Variants in HEATR5B observed in about 807,000 individuals in gnomAD.
HEATR5B encodes the protein HEAT repeat containing 5B.
A neutral mutation model predicts 224.1 loss-of-function variants in HEATR5B; 156 were observed. That is an observed-to-expected ratio of 0.70 (90% CI 0.61 to 0.80). The LOEUF is 0.80. Among genes scored for constraint, HEATR5B ranks in the 30% least tolerant of loss-of-function variants. The pLI, the probability that HEATR5B is intolerant of heterozygous loss-of-function variation, is 0.00. For synonymous variants in HEATR5B, 1,027 were observed against 893.0 expected (o/e 1.15, Z -2.68); for missense variants, 2,323 against 2,535.5 (o/e 0.92, Z 1.80).
chr2:37,054,241 C>T (rs1670749935), intron 16 of HEATR5B, among the ~76,000 whole-genome samples: 1 of 128,750 alleles, frequency 7.8e-6, no homozygotes, highest in African/African-American at 3.0e-5. Flanking sequence ...GTTGCCCAGG[C>T]TGGAGTGCAA....
At position 37,008,645 on chromosome 2, in the gene HEATR5B, T is replaced by C; in HGVS notation, c.4488A>G (p.Leu1496=). The part of the protein sequence containing the change: ...AALKDYALLT[L]PAEFSSQLPP... ...GAAGCTGACTAGAAAATTCGGCTGG[T>C]AAAGTCAAGAGTGCATAATCTTTTA... The change falls in exon 28 of 36, where the codon TTA becomes TTG. Residue 1496 remains leucine (L), a synonymous_variant. Coordinates refer to ENST00000233099, the MANE Select transcript of HEATR5B (RefSeq NM_019024.3). 6.2e-7 allele frequency: 1 copy of C among 1,614,118 alleles called. No homozygotes were observed.
At chr2:37,017,809 C>G (rs1208671235) in intron 26 of HEATR5B, among the ~76,000 whole-genome samples, 1 of 151,002 alleles carries the variant, frequency 6.6e-6, no homozygotes, top group Non-Finnish European at 1.5e-5. Context: ...AGAGAAAAGA[C>G]TTTGCCCTAC....
intron 27 of HEATR5B, among the ~76,000 whole-genome samples, chr2:37,013,537 C>A (rs1572803725): frequency 6.6e-6 from 1 of 152,140 alleles, no homozygotes; most frequent in Non-Finnish European, 1.5e-5. Context: ...AGAAACAAAA[C>A]CCCTATGGCC....
intron 27 of HEATR5B, among the ~76,000 whole-genome samples, chr2:37,011,192 T>A (rs567409969): frequency 6.6e-6 from 1 of 151,892 alleles, no homozygotes; most frequent in East Asian, 1.9e-4. Context: ...GCCTTGGGAG[T>A]GTGAGAAAGG....
intron 33 of HEATR5B, among the ~76,000 whole-genome samples, chr2:36,998,886 ATACT>A (rs1666899276): frequency 6.6e-6 from 1 of 152,036 alleles, no homozygotes; most frequent in Non-Finnish European, 1.5e-5. Flanking sequence ...TATAGAAAAC[ATACT>A]TATTTATATA....
Position 37,056,513 on chromosome 2 carries a change from G to A in HEATR5B, c.2326C>T (p.Leu776Phe). ...AGEAVPGPLP[L>F]GVSVIDASVA... is the part of the protein sequence containing the mutation. ...GAAGCATCAATGACTGAGACTCCGA[G>A]AGGGAGGGGACCAGGTACTGCTTCT... The change falls in exon 16 of 36, where the codon CTC becomes TTC. Residue 776 changes from leucine (L) to phenylalanine (F), a missense_variant. Transcript: ENST00000233099. The A allele has an allele frequency of 6.2e-7, 1 of 1,613,500 alleles. No individual in the cohort carries two copies. Among genetic ancestry groups the A allele is most frequent in the Non-Finnish European group, 8.5e-7 (1 of 1,179,630 alleles).
intron 35 of HEATR5B, among the ~76,000 whole-genome samples, chr2:36,984,225 T>TATATATATA (rs1553411525): frequency 2.9e-4 from 22 of 75,310 alleles, no homozygotes; most frequent in African/African-American, 1.2e-3. Context: ...AATATATATA[T>TATATATATA]ATATATATAT....
chr2:37,081,060 A>AG (rs1324822300), intron 2 of HEATR5B, among the ~76,000 whole-genome samples: 1 of 152,216 alleles, frequency 6.6e-6, no homozygotes, highest in African/African-American at 2.4e-5. Context: ...GAAAAGATGG[A>AG]GATGGATCAA....
At chr2:37,014,680 A>T (rs1426200696) in intron 26 of HEATR5B, among the ~76,000 whole-genome samples, 2 of 139,890 alleles carry the variant, frequency 1.4e-5, no homozygotes, top group East Asian at 2.1e-4. Context: ...AGGGGACTTT[A>T]AAAAAAAAAA....
intron 8 of HEATR5B, 57 bp downstream of exon 8, chr2:37,068,624 A>G: frequency 1.3e-6 from 2 of 1,529,174 alleles, no homozygotes; most frequent in Non-Finnish European, 1.8e-6. Flanking sequence ...ATTAAGAATC[A>G]TAATAAAGAA....
intron 21 of HEATR5B, among the ~76,000 whole-genome samples, chr2:37,034,210 G>T (rs543853193): frequency 4.6e-5 from 7 of 151,270 alleles, no homozygotes; most frequent in South Asian, 2.1e-4. Flanking sequence ...GTTTCACCGT[G>T]TTAGTCAGGA....
rs1282734244 is a variant in HEATR5B at position 37,013,983 on chromosome 2, T to C, written c.4142A>G (p.Asp1381Gly). 1 of 1,607,794 alleles carries C rather than the reference T, an allele frequency of 6.2e-7. No individual in the cohort carries two copies. The highest frequency in any genetic ancestry group is 1.1e-5 in the South Asian group (1 of 89,632). Reference sequence around the variant, plus strand: ...GTGTACTCGACGGAGATCATTGAGATCACTGACAACTCCACTTCCTATCCA... The same window carrying C: ...GTGTACTCGACGGAGATCATTGAGACCACTGACAACTCCACTTCCTATCCA... Reference protein sequence around the residue: ...STWIGSGVVSDLNDLRRVHNL... With the variant: ...STWIGSGVVSGLNDLRRVHNL... The change falls in exon 27 of 36, where the codon GAT (aspartate) becomes GGT (glycine). Residue 1381 changes from aspartate to glycine, a missense_variant. By Grantham distance (94) the Asp-to-Gly change is moderately conservative. Transcript: ENST00000233099.
chr2:36,984,418 C>A (rs1356421721), intron 35 of HEATR5B, among the ~76,000 whole-genome samples: 6 of 151,052 alleles, frequency 4.0e-5, no homozygotes, highest in Admixed American at 1.3e-4. Context: ...GTAGCATTTC[C>A]GTATAGAATT....
At chr2:36,995,079 T>C in intron 33 of HEATR5B, among the ~76,000 whole-genome samples, 1 of 144,258 alleles carries the variant, frequency 6.9e-6, no homozygotes, top group Non-Finnish European at 1.5e-5. Context: ...TTCGTCTTGT[T>C]ATTCCTTGTT....
Position 37,000,699 on chromosome 2 carries a change from C to A in HEATR5B, c.5432G>T (p.Gly1811Val). 6.2e-7 allele frequency: 1 copy of A among 1,614,062 alleles called. No individual in the cohort carries two copies. The highest frequency in any genetic ancestry group is 8.5e-7 in the Non-Finnish European group (1 of 1,179,966). Residue 1811 changes from glycine to valine, a missense_variant, in exon 33 of 36, where the codon GGG becomes GTG. Transcript: ENST00000233099. ...VPPPVSAALQ[G>V]IKSIVTLSMA... ...TGAAAGTGTCACAATACTTTTAATC[C>A]CTTGAAGAGCTGCACTGACTGGTGG...
At chr2:37,056,935 C>T (rs1670950125) in intron 15 of HEATR5B, among the ~76,000 whole-genome samples, 1 of 152,156 alleles carries the variant, frequency 6.6e-6, no homozygotes, top group Non-Finnish European at 1.5e-5. Context: ...TTAAAAAGTA[C>T]ATAAGAAATA....
At position 37,002,326 on chromosome 2, in the gene HEATR5B, G is replaced by A. The variant is rs1473944863; in HGVS notation, c.5297C>T (p.Pro1766Leu). ...CGTACCAGCGGGTGAACAAAGGGAT[G>A]GTAAATCAGAGAGTATGGTAACTGT... is the stretch of plus-strand genomic sequence containing the variant. ...AATVTILSDL[P>L]SLCSPAGCMT... The change falls in exon 32 of 36, where the codon CCA becomes CTA. Residue 1766 changes from proline to leucine, a missense_variant. By Grantham distance (98) the Pro-to-Leu change is moderately conservative. Around this residue, in one of 12 missense-constraint regions of HEATR5B, gnomAD observed 844 missense variants for 812.9 expected, o/e 1.04. Coordinates refer to ENST00000233099, the MANE Select transcript of HEATR5B (RefSeq NM_019024.3). The A allele has an allele frequency of 6.2e-7, 1 of 1,614,066 alleles. No homozygotes were observed. Among genetic ancestry groups the A allele is most frequent in the African/African-American group, 1.3e-5 (1 of 74,930 alleles).
In HEATR5B at chr2:37,049,451, C is replaced by T. The variant is rs76509695; in HGVS notation, c.2696+202G>A. Among the ~76,000 whole-genome samples, 1,334 of 152,154 alleles carry T rather than the reference C, an allele frequency of 8.8e-3. 23 individuals are homozygous for T. The highest frequency in any genetic ancestry group is 0.031 in the African/African-American group (1,274 of 41,490). ...AGCTGGATTAGAAGCCCTCTCCACG[C>T]AGAAAGTATCTAACATATTACAACT... On this transcript the variant is annotated intron_variant, in intron 18 of 35. Transcript: ENST00000233099.
At chr2:37,040,590 G>GA in intron 19 of HEATR5B, 72 bp from the exon 20 acceptor site, 4 of 1,079,472 alleles carry the variant, frequency 3.7e-6, no homozygotes, top group South Asian at 1.5e-5. Context: ...ATACTGAATT[G>GA]TTACATGGGT....
Sources: gnomAD v4.1 joint callset for allele counts (sites outside exome capture counted in the v4.1 genomes callset) on GRCh38, gnomAD v4.1.1 for gene constraint, gnomAD v4.1.1 regional missense constraint, MANE v1.5 for transcripts, NCBI Gene and HGNC (gene_info 2026-07-23, HGNC 2026-07-21) for gene names.